Variants in TSPAN9 observed in about 807,000 individuals in gnomAD.
TSPAN9 encodes tetraspanin 9.
TSPAN9 carries 16 observed loss-of-function variants against 31.0 expected under a neutral mutation model. That is an observed-to-expected ratio of 0.52 (90% CI 0.35 to 0.78). The LOEUF is 0.78. Among genes scored for constraint, TSPAN9 ranks in the 30% least tolerant of loss-of-function variants. The pLI is 0.01. For missense variants in TSPAN9, 272 were observed against 312.5 expected (o/e 0.87, Z 0.98); for synonymous variants, 145 against 121.6 (o/e 1.19, Z -1.27).
chr12:3,281,736 C>T lies in TSPAN9; in HGVS notation c.567C>T (p.Gly189=), dbSNP rs373783478. Residue 189 remains glycine, a splice_region_variant and synonymous_variant, in exon 8 of 9, where the codon GGC becomes GGT. Coordinates refer to ENST00000011898, the MANE Select transcript of TSPAN9 (RefSeq NM_006675.5). ...ACCTCGTGGGCCTCGCTCCCCAGGG[C>T]TGCTATGAAAAGGTGAAGATGTGGT... The part of the protein sequence containing the change: ...RNATTPLWRT[G]CYEKVKMWFD... The T allele has an allele frequency of 2.5e-6, 4 of 1,612,028 alleles. No individual in the cohort carries two copies. The African/African-American group carries it at 4.0e-5, about 16-fold the overall frequency.
chr12:3,175,939 C>T (rs1565602996), intron 2 of TSPAN9, among the ~76,000 whole-genome samples: 1 of 152,262 alleles, frequency 6.6e-6, no homozygotes, highest in East Asian at 1.9e-4. Flanking sequence ...ACATTGGCTC[C>T]CAGGGCACTG....
intron 2 of TSPAN9, among the ~76,000 whole-genome samples, chr12:3,129,518 T>C (rs981419058): frequency 6.6e-6 from 1 of 152,206 alleles, no homozygotes; most frequent in Non-Finnish European, 1.5e-5. Context: ...TCAGACCACA[T>C]GGGTTTGCAT....
chr12:3,193,427 G>A (rs1446653722), intron 2 of TSPAN9, among the ~76,000 whole-genome samples: 6 of 152,156 alleles, frequency 3.9e-5, no homozygotes, highest in Admixed American at 6.5e-5. Flanking sequence ...AGCTGTGCCC[G>A]TGTTTCCTCG....
intron 2 of TSPAN9, among the ~76,000 whole-genome samples, chr12:3,084,696 AT>A (rs1469278187): frequency 1.3e-5 from 2 of 152,248 alleles, no homozygotes; most frequent in Non-Finnish European, 2.9e-5. Flanking sequence ...TGAAGTTATA[AT>A]TTAAATCTCA....
At chr12:3,230,019 G>A (rs1240239727) in intron 3 of TSPAN9, among the ~76,000 whole-genome samples, 3 of 152,212 alleles carry the variant, frequency 2.0e-5, no homozygotes, top group Non-Finnish European at 2.9e-5. Flanking sequence ...GGAGCAGTGT[G>A]TAGATACTTT....
intron 2 of TSPAN9, among the ~76,000 whole-genome samples, chr12:3,105,431 TAAAA>T (rs35039490): frequency 4.5e-5 from 6 of 134,476 alleles, no homozygotes; most frequent in Non-Finnish European, 6.3e-5. Flanking sequence ...TTCCTTGTCT[TAAAA>T]AAAAAAAAAA....
intron 3 of TSPAN9, among the ~76,000 whole-genome samples, chr12:3,217,430 G>A (rs1025483034): frequency 5.9e-5 from 9 of 152,106 alleles, no homozygotes; most frequent in African/African-American, 1.7e-4. Flanking sequence ...CTGGGAATGA[G>A]CCATCCTGCC....
At chr12:3,105,806 G>A (rs908130470) in intron 2 of TSPAN9, among the ~76,000 whole-genome samples, 12 of 108,658 alleles carry the variant, frequency 1.1e-4, no homozygotes, top group South Asian at 5.6e-4. Context: ...GCACACATGC[G>A]CACACACGCA....
At chr12:3,188,506 G>A (rs1014981790) in intron 2 of TSPAN9, among the ~76,000 whole-genome samples, 1 of 152,136 alleles carries the variant, frequency 6.6e-6, no homozygotes, top group Non-Finnish European at 1.5e-5. Context: ...AGTGCCCAGG[G>A]TGTGTCCCTG....
At chr12:3,099,417 C>T (rs1179456150) in intron 2 of TSPAN9, among the ~76,000 whole-genome samples, 5 of 152,182 alleles carry the variant, frequency 3.3e-5, no homozygotes, top group Non-Finnish European at 5.9e-5. Flanking sequence ...ATGTTTTCCT[C>T]TGCATTCTTG....
chr12:3,278,451 A>G lies in TSPAN9; in HGVS notation c.94A>G (p.Ile32Val), dbSNP rs1038076071. The change falls in exon 4 of 9, where the codon ATC (isoleucine) becomes GTC (valine). Residue 32 changes from isoleucine to valine, a missense_variant. By Grantham distance (29) the Ile-to-Val change is conservative. Transcript: ENST00000011898. ...LCGCGLLGVGIWLSVSQGNFA... is the reference protein window; with the variant it reads ...LCGCGLLGVGVWLSVSQGNFA... ...TGGCTGTGGGCTGCTGGGAGTGGGC[A>G]TCTGGCTCTCCGTGTCCCAAGGCAA... The G allele has an allele frequency of 5.0e-6, 8 of 1,614,048 alleles. No homozygotes were observed. In the African/African-American group the frequency reaches 9.3e-5, roughly 19 times the overall value.
chr12:3,133,395 T>TC (rs2098330681), intron 2 of TSPAN9, among the ~76,000 whole-genome samples: 2 of 151,640 alleles, frequency 1.3e-5, no homozygotes, highest in Non-Finnish European at 2.9e-5. Flanking sequence ...ATAATTTTTT[T>TC]TTGCTGTAAA....
intron 2 of TSPAN9, among the ~76,000 whole-genome samples, chr12:3,125,300 G>T (rs2098326847): frequency 6.6e-6 from 1 of 151,962 alleles, no homozygotes; most frequent in Non-Finnish European, 1.5e-5. Flanking sequence ...TGTCTCAGAG[G>T]ATTGCAGAGT....
At chr12:3,189,835 T>C (rs7970918) in intron 2 of TSPAN9, among the ~76,000 whole-genome samples, 149,732 of 152,246 alleles carry the variant, frequency 0.98, 73,689 homozygotes, top group Middle Eastern at 1. Flanking sequence ...AGTGCTCCTG[T>C]CTTACTTTAC....
chr12:3,228,369 A>C (rs1324521246), intron 3 of TSPAN9, among the ~76,000 whole-genome samples: 1 of 152,194 alleles, frequency 6.6e-6, no homozygotes, highest in African/African-American at 2.4e-5. Context: ...TCTCTCTTAA[A>C]AAAGAAATAA....
intron 3 of TSPAN9, among the ~76,000 whole-genome samples, chr12:3,273,983 A>G (rs1011649820): frequency 1.3e-5 from 2 of 151,964 alleles, no homozygotes; most frequent in South Asian, 2.1e-4. Flanking sequence ...TCTTTCTCCA[A>G]TGGCTGTTCT....
In TSPAN9 at chr12:3,247,260, C is replaced by T. The variant is rs3825348; in HGVS notation, c.64-31161C>T. 5.9e-4 allele frequency among the ~76,000 whole-genome samples: 85 copies of T among 144,234 alleles called. No homozygotes were observed. The East Asian group carries it at 0.013, about 21-fold the overall frequency. The allele number at this position is 144,234 out of a possible 152,430, so 94.6% of individuals were successfully genotyped here. The stretch of plus-strand genomic sequence containing the variant: ...AAGGCAGAGTCAGAGAGAGGAGCTG[C>T]GGTGACAGCTGCTTGTGGCTGATGA... On this transcript the variant is annotated intron_variant, in intron 3 of 8. Coordinates refer to ENST00000011898, the MANE Select transcript of TSPAN9 (RefSeq NM_006675.5).
At chr12:3,096,232 G>C (rs926710598) in intron 2 of TSPAN9, among the ~76,000 whole-genome samples, 5 of 152,218 alleles carry the variant, frequency 3.3e-5, no homozygotes, top group African/African-American at 9.6e-5. Flanking sequence ...CCTAAACCCA[G>C]TGCTGTAGGG....
At chr12:3,277,932 G>T (rs1413532363) in intron 3 of TSPAN9, among the ~76,000 whole-genome samples, 1 of 152,236 alleles carries the variant, frequency 6.6e-6, no homozygotes, top group African/African-American at 2.4e-5. Context: ...GGACACAGTC[G>T]CTGGAAGTTC....
Sources: gnomAD v4.1 joint callset for allele counts (sites outside exome capture counted in the v4.1 genomes callset) on GRCh38, gnomAD v4.1.1 for gene constraint, MANE v1.5 for transcripts, NCBI Gene and HGNC (gene_info 2026-07-23, HGNC 2026-07-21) for gene names.